GUCY1A2: variants seen among roughly 807,000 people sequenced by gnomAD.
GUCY1A2 encodes the protein guanylate cyclase 1 soluble subunit alpha 2, also known as guanylate cyclase soluble subunit alpha-2.
In GUCY1A2, 27 loss-of-function variants were observed where a neutral mutation model predicts 63.5. The observed-to-expected ratio is 0.43, with a 90% CI of 0.31 to 0.59. The LOEUF (loss-of-function observed/expected upper bound fraction) is 0.59. GUCY1A2 is among the 20% of genes least tolerant of loss of function. GUCY1A2 has a pLI of 0.11. For missense variants in GUCY1A2, 768 were observed against 913.3 expected (o/e 0.84, Z 2.05); for synonymous variants, 364 against 343.5 (o/e 1.06, Z -0.66).
chr11:106,957,061 C>T (rs1011227887), intron 3 of GUCY1A2, among the ~76,000 whole-genome samples: 6 of 152,164 alleles, frequency 3.9e-5, no homozygotes, highest in Admixed American at 6.5e-5. Flanking sequence ...GCACTCTAGC[C>T]GCAGACTGCC....
At chr11:106,845,982 A>T (rs1405071966) in intron 4 of GUCY1A2, among the ~76,000 whole-genome samples, 1 of 151,690 alleles carries the variant, frequency 6.6e-6, no homozygotes, top group African/African-American at 2.4e-5. Context: ...TGTACCACTT[A>T]ATGTGATACA....
At chr11:106,992,327 T>A (rs1861480476) in intron 1 of GUCY1A2, among the ~76,000 whole-genome samples, 1 of 84,922 alleles carries the variant, frequency 1.2e-5, no homozygotes, top group African/African-American at 4.1e-5. Context: ...GAATATGTCT[T>A]TTTTTTTTTT....
intron 4 of GUCY1A2, among the ~76,000 whole-genome samples, chr11:106,830,468 C>T (rs1317680346): frequency 2.0e-5 from 3 of 151,974 alleles, no homozygotes; most frequent in African/African-American, 7.3e-5. Context: ...AGTCAGTGGA[C>T]TGGGAAAGGC....
intron 4 of GUCY1A2, among the ~76,000 whole-genome samples, chr11:106,908,629 CAATT>C (rs745316553): frequency 6.6e-6 from 1 of 151,808 alleles, no homozygotes; most frequent in Non-Finnish European, 1.5e-5. Flanking sequence ...TATCATTACT[CAATT>C]ATCCTATTTA....
At chr11:106,812,438 C>T (rs929936911) in intron 4 of GUCY1A2, among the ~76,000 whole-genome samples, 1 of 151,582 alleles carries the variant, frequency 6.6e-6, no homozygotes, top group Non-Finnish European at 1.5e-5. Flanking sequence ...TTCTGCTGGT[C>T]TCTCTTCTTC....
At chr11:106,962,273 T>C (rs1861067373) in intron 3 of GUCY1A2, among the ~76,000 whole-genome samples, 1 of 152,066 alleles carries the variant, frequency 6.6e-6, no homozygotes, top group Non-Finnish European at 1.5e-5. Context: ...TATATGGGGC[T>C]GGGTGTGGTG....
intron 6 of GUCY1A2, among the ~76,000 whole-genome samples, chr11:106,725,009 T>C (rs1863380034): frequency 6.6e-6 from 1 of 152,198 alleles, no homozygotes; most frequent in African/African-American, 2.4e-5. Flanking sequence ...TTTAAGAATA[T>C]TAATTTTCAC....
chr11:106,889,699 C>A (rs1859948854), intron 4 of GUCY1A2, among the ~76,000 whole-genome samples: 1 of 152,172 alleles, frequency 6.6e-6, no homozygotes, highest in Non-Finnish European at 1.5e-5. Context: ...CTCCCACTGT[C>A]CAATAAAATT....
chr11:106,838,383 G>A (rs1319946324), intron 4 of GUCY1A2, among the ~76,000 whole-genome samples: 1 of 151,922 alleles, frequency 6.6e-6, no homozygotes, highest in Non-Finnish European at 1.5e-5. Context: ...ATGAATAAAT[G>A]AAAATGTATA....
intron 4 of GUCY1A2, among the ~76,000 whole-genome samples, chr11:106,874,399 G>GT (rs1859721095): frequency 6.6e-6 from 1 of 152,068 alleles, no homozygotes; most frequent in African/African-American, 2.4e-5. Flanking sequence ...ATAATTAAAA[G>GT]GTGATCTAAT....
At position 106,781,601 on chromosome 11, in the gene GUCY1A2, C is replaced by T. The variant is rs1864465096; in HGVS notation, c.1693-5019G>A. 4.6e-5 allele frequency among the ~76,000 whole-genome samples: 7 copies of T among 152,016 alleles called. No homozygotes were observed. The South Asian group carries it at 1.5e-3, about 32-fold the overall frequency. On this transcript the variant is annotated intron_variant, in intron 5 of 7. Coordinates refer to ENST00000526355, the MANE Select transcript of GUCY1A2 (RefSeq NM_000855.3). ...TTTTTAAGACAGGGTCTCACTCTGC[C>T]TACTTAGACTGGAGTACGGTGGCAT...
At chr11:106,954,842 T>C (rs1026777746) in intron 3 of GUCY1A2, among the ~76,000 whole-genome samples, 1 of 152,146 alleles carries the variant, frequency 6.6e-6, no homozygotes, top group Non-Finnish European at 1.5e-5. Flanking sequence ...CTTGTTTTTT[T>C]CTTTCCATTT....
At chr11:106,831,639 G>A (rs1035402651) in intron 4 of GUCY1A2, among the ~76,000 whole-genome samples, 1 of 152,146 alleles carries the variant, frequency 6.6e-6, no homozygotes, top group Admixed American at 6.6e-5. Flanking sequence ...AGTAGCCATG[G>A]AGGCCACTTG....
At chr11:106,733,935 G>A (rs1591253438) in intron 6 of GUCY1A2, among the ~76,000 whole-genome samples, 1 of 152,104 alleles carries the variant, frequency 6.6e-6, no homozygotes, top group African/African-American at 2.4e-5. Flanking sequence ...CTATCTCCTA[G>A]AGACTCTGAA....
Position 106,682,608 on chromosome 11 carries a change from G to C in GUCY1A2, c.*4941C>G, listed in dbSNP as rs1862450766. On this transcript the variant is annotated 3_prime_UTR_variant, in exon 8 of 8. Transcript: ENST00000526355. ...CTGGTTATAACATATTAGAAATAAAGACACAAACTTTACTTCTCTGCATTC... is the reference window on the plus strand; with the variant it reads ...CTGGTTATAACATATTAGAAATAAACACACAAACTTTACTTCTCTGCATTC... The C allele has an allele frequency of 4.7e-6, 1 of 212,410 alleles. No individual in the cohort carries two copies. Among genetic ancestry groups the C allele is most frequent in the South Asian group, 1.9e-4 (1 of 5,346 alleles). 13.2% of individuals were successfully genotyped at this position (212,410 alleles called of 1,614,324 possible). A position where few individuals can be genotyped will look rare whatever the true frequency, so the allele number is the denominator to read the frequency against.
At position 106,681,384 on chromosome 11, in the gene GUCY1A2, C is replaced by T. The variant is rs1178856770; in HGVS notation, c.*6165G>A. 4 of 226,152 alleles carry T rather than the reference C, an allele frequency of 1.8e-5. No individual in the cohort carries two copies. The highest frequency in any genetic ancestry group is 4.5e-5 in the African/African-American group (2 of 44,940). The allele number at this position is 226,152 out of a possible 1,614,324, so 14.0% of individuals were successfully genotyped here. ...TACTTTCTCAATCACCTCTTCCAAC[C>T]TATGCTCTACTTCCACTCATTTATC... On this transcript the variant is annotated 3_prime_UTR_variant, in exon 8 of 8. Coordinates refer to ENST00000526355, the MANE Select transcript of GUCY1A2 (RefSeq NM_000855.3).
At chr11:106,920,462 C>T (rs1379442634) in intron 4 of GUCY1A2, among the ~76,000 whole-genome samples, 2 of 152,084 alleles carry the variant, frequency 1.3e-5, no homozygotes, top group Non-Finnish European at 2.9e-5. Flanking sequence ...TATTAAATCA[C>T]ATTCCACCAA....
chr11:106,754,201 A>T (rs1276389587), intron 6 of GUCY1A2, among the ~76,000 whole-genome samples: 2 of 152,118 alleles, frequency 1.3e-5, no homozygotes, highest in Admixed American at 6.6e-5. Context: ...TTGCACATTG[A>T]TTTTGTATCC....
chr11:106,944,320 C>T (rs984223285), intron 3 of GUCY1A2, among the ~76,000 whole-genome samples: 2 of 148,112 alleles, frequency 1.4e-5, no homozygotes, highest in Non-Finnish European at 3.0e-5. Context: ...GTGGTGCAGG[C>T]CCGCAGTCCC....
Sources: allele counts gnomAD v4.1 joint callset (sites outside exome capture counted in the v4.1 genomes callset), GRCh38; gene constraint gnomAD v4.1.1; transcripts MANE v1.5; gene names NCBI Gene and HGNC (gene_info 2026-07-23, HGNC 2026-07-21).